The following PTPN9 variants were observed in gnomAD, a reference collection of about 807,000 sequenced individuals.
PTPN9 encodes the protein tyrosine-protein phosphatase non-receptor type 9.
A neutral mutation model predicts 69.8 loss-of-function variants in PTPN9; 26 were observed. The observed-to-expected ratio is 0.37, with a 90% CI of 0.27 to 0.52. The LOEUF (loss-of-function observed/expected upper bound fraction) is 0.52. PTPN9 is among the 20% of genes least tolerant of loss of function. The pLI is 0.91. For missense variants in PTPN9, 549 were observed against 740.3 expected, an observed-to-expected ratio of 0.74 and a Z score of 3.00; for synonymous variants, 274 against 272.5, an observed-to-expected ratio of 1.01 and a Z score of -0.05.
chr15:75,478,972 A>G (rs1448442617), intron 9 of PTPN9, among the ~76,000 whole-genome samples: 1 of 152,246 alleles, frequency 6.6e-6, no homozygotes, highest in Non-Finnish European at 1.5e-5. Flanking sequence ...CAGGTCAGGA[A>G]GAGTACTAGG....
intron 7 of PTPN9, among the ~76,000 whole-genome samples, chr15:75,502,154 A>G (rs182788615): frequency 1.8e-4 from 28 of 152,106 alleles, no homozygotes; most frequent in Admixed American, 1.3e-3. Flanking sequence ...AGAAGAGAAA[A>G]AAGAAAAAGA....
Position 75,470,837 on chromosome 15 carries a change from A to G in PTPN9, c.1209-7T>C. Reference sequence around the variant, plus strand: ...CCTGCCGCCTTCCTCAAAGCTGAAGACACACAGAGCAAGGTAAGCCTTCCA... The same window carrying G: ...CCTGCCGCCTTCCTCAAAGCTGAAGGCACACAGAGCAAGGTAAGCCTTCCA... On this transcript the variant is annotated splice_polypyrimidine_tract_variant and splice_region_variant and intron_variant, in intron 10 of 12. Transcript: ENST00000618819. 1.2e-6 allele frequency: 2 copies of G among 1,613,850 alleles called. No homozygotes were observed. Among genetic ancestry groups the G allele is most frequent in the Non-Finnish European group, 1.7e-6 (2 of 1,179,910 alleles).
intron 5 of PTPN9, chr15:75,513,570 C>A (rs901744858): frequency 1.7e-5 from 6 of 356,622 alleles, no homozygotes; most frequent in East Asian, 7.6e-5. Flanking sequence ...AGTTCGAGAC[C>A]AGCCTGGCCA....
chr15:75,482,407 T>C (rs1201559764), intron 8 of PTPN9, among the ~76,000 whole-genome samples: 1 of 151,546 alleles, frequency 6.6e-6, no homozygotes, highest in Non-Finnish European at 1.5e-5. Context: ...CTACTAAAAA[T>C]ACAAAAGATT....
At chr15:75,485,942 T>C (rs1354366103) in intron 8 of PTPN9, among the ~76,000 whole-genome samples, 1 of 150,324 alleles carries the variant, frequency 6.7e-6, no homozygotes, top group Admixed American at 6.6e-5. Flanking sequence ...CTACTAAAAA[T>C]ACAAAAAATT....
intron 7 of PTPN9, among the ~76,000 whole-genome samples, chr15:75,494,028 C>G (rs114941581): frequency 0.012 from 1,753 of 151,644 alleles, 29 homozygotes; most frequent in African/African-American, 0.041. Context: ...TCTGTACTCA[C>G]TAAGTATATT....
chr15:75,499,711 C>A (rs1265920617), intron 7 of PTPN9, among the ~76,000 whole-genome samples: 1 of 151,928 alleles, frequency 6.6e-6, no homozygotes, highest in African/African-American at 2.4e-5. Flanking sequence ...GCCAAACCCA[C>A]TTTTTTAATG....
chr15:75,538,602 A>G (rs1182281903), intron 1 of PTPN9, among the ~76,000 whole-genome samples: 2 of 152,142 alleles, frequency 1.3e-5, no homozygotes, highest in East Asian at 3.8e-4. Flanking sequence ...GGATCACTTA[A>G]GCCCGGGAGG....
intron 6 of PTPN9, among the ~76,000 whole-genome samples, chr15:75,506,663 C>T (rs1373233149): frequency 6.6e-6 from 1 of 152,140 alleles, no homozygotes; most frequent in South Asian, 2.1e-4. Flanking sequence ...ATGCACACAA[C>T]CACGCCCAGC....
At chr15:75,555,013 T>C (rs2075071114) in intron 1 of PTPN9, among the ~76,000 whole-genome samples, 1 of 152,234 alleles carries the variant, frequency 6.6e-6, no homozygotes, top group Non-Finnish European at 1.5e-5. Context: ...GGGAATGCCA[T>C]CTGCAGTGGA....
intron 1 of PTPN9, among the ~76,000 whole-genome samples, chr15:75,548,708 C>T (rs2075044637): frequency 7.0e-6 from 1 of 142,460 alleles, no homozygotes; most frequent in South Asian, 2.2e-4. Context: ...GGCTGGAGTG[C>T]AGGGGCGCGA....
intron 8 of PTPN9, among the ~76,000 whole-genome samples, chr15:75,489,633 A>G (rs2074698316): frequency 6.6e-6 from 1 of 152,176 alleles, no homozygotes; most frequent in African/African-American, 2.4e-5. Context: ...CTAAAGTTAA[A>G]GGTGTATGTA....
chr15:75,567,016 TTC>T (rs1300035854), intron 1 of PTPN9, among the ~76,000 whole-genome samples: 1 of 151,200 alleles, frequency 6.6e-6, no homozygotes, highest in Non-Finnish European at 1.5e-5. Context: ...CCCATTTTTT[TTC>T]TTTTTTTTTT....
chr15:75,578,032 T>G (rs971800364), intron 1 of PTPN9, among the ~76,000 whole-genome samples: 1 of 152,114 alleles, frequency 6.6e-6, no homozygotes, highest in African/African-American at 2.4e-5. Flanking sequence ...TAAGGAACAA[T>G]AGAGCTCAAT....
intron 7 of PTPN9, among the ~76,000 whole-genome samples, chr15:75,499,595 G>A (rs981953055): frequency 4.6e-5 from 7 of 151,408 alleles, no homozygotes; most frequent in Admixed American, 1.3e-4. Flanking sequence ...TAGAAGAGAC[G>A]GGGTTTCACC....
At chr15:75,536,665 C>T (rs566895489) in intron 1 of PTPN9, among the ~76,000 whole-genome samples, 1 of 152,220 alleles carries the variant, frequency 6.6e-6, no homozygotes, top group African/African-American at 2.4e-5. Context: ...AACAGGGGGG[C>T]TGAACCAGAC....
intron 6 of PTPN9, 122 bp from the exon 7 acceptor site, chr15:75,506,125 G>A: frequency 4.0e-6 from 3 of 746,772 alleles, no homozygotes; most frequent in Non-Finnish European, 6.4e-6. Context: ...GAAATACAAG[G>A]TATACTTGTA....
intron 4 of PTPN9, among the ~76,000 whole-genome samples, chr15:75,520,073 G>A (rs1260791364): frequency 2.0e-5 from 3 of 152,248 alleles, no homozygotes; most frequent in Non-Finnish European, 4.4e-5. Flanking sequence ...AGGCTGCTGT[G>A]AGTTATGATG....
At position 75,479,717 on chromosome 15, in the gene PTPN9, TA is replaced by T. The variant is rs1478266349; in HGVS notation, c.1129+130del. 7.1e-6 allele frequency: 5 copies of T among 706,992 alleles called. No individual in the cohort carries two copies. In the Admixed American group the frequency reaches 1.3e-4, roughly 19 times the overall value. The allele number at this position is 706,992 out of a possible 1,614,324, so 43.8% of individuals were successfully genotyped here. ...TTTTCTCAACCACCACCCATCTTTATAAAAGGCCAGGATCTAGTGGCCAAAA... is the reference window on the plus strand; with the variant it reads ...TTTTCTCAACCACCACCCATCTTTATAAAGGCCAGGATCTAGTGGCCAAAA... On this transcript the variant is annotated intron_variant, in intron 9 of 12. Transcript: ENST00000618819.
Sources: gnomAD v4.1 joint callset for allele counts (sites outside exome capture counted in the v4.1 genomes callset) on GRCh38, gnomAD v4.1.1 for gene constraint, MANE v1.5 for transcripts, NCBI Gene and HGNC (gene_info 2026-07-23, HGNC 2026-07-21) for gene names.